Variants in ACSS3 observed in about 807,000 individuals in gnomAD.
ACSS3 encodes the protein acyl-CoA synthetase short chain family member 3.
ACSS3 carries 64 observed loss-of-function variants against 84.2 expected under a neutral mutation model. That is an observed-to-expected ratio of 0.76 (90% CI 0.62 to 0.94). The LOEUF (loss-of-function observed/expected upper bound fraction) is 0.94. Among genes scored for constraint, ACSS3 ranks in the 40% least tolerant of loss-of-function variants. The probability of loss-of-function intolerance (pLI) is 0.00; values close to 1 mark genes in which losing one functional copy is unlikely to be tolerated. For missense variants in ACSS3, 815 were observed against 867.6 expected (o/e 0.94, Z 0.76); for synonymous variants, 317 against 310.1 (o/e 1.02, Z -0.23).
At chr12:81,179,829 CATTGTATA>C (rs1006618317) in intron 8 of ACSS3, among the ~76,000 whole-genome samples, 2 of 150,238 alleles carry the variant, frequency 1.3e-5, no homozygotes, top group Admixed American at 6.6e-5. Flanking sequence ...TCCATTCTCA[CATTGTATA>C]AAGAAATACC....
At chr12:81,124,115 A>T (rs565061064) in intron 2 of ACSS3, among the ~76,000 whole-genome samples, 2 of 152,266 alleles carry the variant, frequency 1.3e-5, no homozygotes, top group East Asian at 3.9e-4. Flanking sequence ...AACTGTGTGT[A>T]TGTGTTCCCT....
At chr12:81,108,666 A>C (rs1883297507) in intron 1 of ACSS3, among the ~76,000 whole-genome samples, 1 of 152,146 alleles carries the variant, frequency 6.6e-6, no homozygotes, top group African/African-American at 2.4e-5. Context: ...TTGAGTGAAT[A>C]CCTGAAAGTG....
chr12:81,109,130 T>A (rs1883344936), intron 1 of ACSS3, among the ~76,000 whole-genome samples: 1 of 152,180 alleles, frequency 6.6e-6, no homozygotes, highest in Non-Finnish European at 1.5e-5. Context: ...ATAGAATTTT[T>A]CGGTAAGTTT....
At position 81,174,903 on chromosome 12, in the gene ACSS3, C is replaced by T. The variant is rs1169202484; in HGVS notation, c.1214C>T (p.Pro405Leu). 1 of 1,613,800 alleles carries T rather than the reference C, an allele frequency of 6.2e-7. No homozygotes were observed. The highest frequency in any genetic ancestry group is 8.5e-7 in the Non-Finnish European group (1 of 1,179,908). The change falls in exon 8 of 16, where the codon CCT (proline) becomes CTT (leucine). Residue 405 changes from proline to leucine, a missense_variant. Transcript: ENST00000548058. ...ATTAGAGCAATCCGTCAACAGGACC[C>T]TGGGGCAGCTTTGGGGAAGCAGTAC... ...TAIRAIRQQDPGAALGKQYSL... is the reference protein window; with the variant it reads ...TAIRAIRQQDLGAALGKQYSL...
At position 81,216,923 on chromosome 12, in the gene ACSS3, G is replaced by C; in HGVS notation, c.1377G>C (p.Ala459=). 6.2e-7 allele frequency: 1 copy of C among 1,610,638 alleles called. No individual in the cohort carries two copies. The highest frequency in any genetic ancestry group is 8.5e-7 in the Non-Finnish European group (1 of 1,177,510). The change falls in exon 10 of 16, where the codon GCG becomes GCC. Residue 459 remains alanine (A), a synonymous_variant. Coordinates refer to ENST00000548058, the MANE Select transcript of ACSS3 (RefSeq NM_024560.4). ...CAGAGACTGGATCTCCAATTACTGC[G>C]TCATGTGTTGGATTAGGCAATTCTA... is the stretch of plus-strand genomic sequence containing the variant. ...WQTETGSPIT[A]SCVGLGNSKT...
At chr12:81,158,370 A>G (rs1886985232) in intron 7 of ACSS3, 1 of 153,700 alleles carries the variant, frequency 6.5e-6, no homozygotes. Flanking sequence ...GGCCTTGTCT[A>G]CACTCAACAG....
chr12:81,149,310 G>A (rs965823561), intron 5 of ACSS3, among the ~76,000 whole-genome samples: 6 of 152,072 alleles, frequency 3.9e-5, no homozygotes, highest in African/African-American at 1.4e-4. Flanking sequence ...AGGCTGAATG[G>A]TGTTTCTCTT....
chr12:81,227,436 A>T lies in ACSS3; in HGVS notation c.1515-3621A>T, dbSNP rs552537846. Among the ~76,000 whole-genome samples, 10 of 150,356 alleles carry T rather than the reference A, an allele frequency of 6.7e-5. No individual in the cohort carries two copies. The South Asian group carries it at 2.1e-3, about 31-fold the overall frequency. ...ACACACACACACAAGTGTTGATTAG[A>T]CTGAGCAGACCATTTATACTTGTGC... On this transcript the variant is annotated intron_variant, in intron 11 of 15. Coordinates refer to ENST00000548058, the MANE Select transcript of ACSS3 (RefSeq NM_024560.4).
intron 4 of ACSS3, among the ~76,000 whole-genome samples, chr12:81,142,791 A>G (rs1194168949): frequency 6.6e-6 from 1 of 152,244 alleles, no homozygotes. Context: ...CTATAAAAAC[A>G]TGAAACGTTA....
intron 9 of ACSS3, among the ~76,000 whole-genome samples, chr12:81,209,659 G>A (rs2032506146): frequency 6.6e-6 from 1 of 152,132 alleles, no homozygotes; most frequent in Non-Finnish European, 1.5e-5. Flanking sequence ...AGTTTATTAG[G>A]AAAGTAAAGG....
In ACSS3 at chr12:81,207,674, G is replaced by A. The variant is rs113625660; in HGVS notation, c.1354+8230G>A. 6.6e-5 allele frequency among the ~76,000 whole-genome samples: 10 copies of A among 152,242 alleles called. 1 individual carries two copies. Among genetic ancestry groups the A allele is most frequent in the African/African-American group, 2.4e-4 (10 of 41,570 alleles). On this transcript the variant is annotated intron_variant, in intron 9 of 15. Transcript: ENST00000548058. ...ATTCAAAAAAACTTGGACTGTAAAAGCGGAACTTACGTTTGAGAAAATGTA... is the reference window on the plus strand; with the variant it reads ...ATTCAAAAAAACTTGGACTGTAAAAACGGAACTTACGTTTGAGAAAATGTA...
intron 7 of ACSS3, among the ~76,000 whole-genome samples, chr12:81,161,283 A>G (rs1319664753): frequency 6.6e-6 from 1 of 152,204 alleles, no homozygotes; most frequent in Non-Finnish European, 1.5e-5. Flanking sequence ...TGATTCAGCT[A>G]CTACGAATTT....
chr12:81,106,460 A>G (rs1883007171), intron 1 of ACSS3, among the ~76,000 whole-genome samples: 1 of 152,158 alleles, frequency 6.6e-6, no homozygotes, highest in Non-Finnish European at 1.5e-5. Context: ...TATATGTTAT[A>G]ATGTAATAAT....
Position 81,238,984 on chromosome 12 carries a change from G to A in ACSS3, c.1719+5513G>A, listed in dbSNP as rs151112192. 1.2e-3 allele frequency among the ~76,000 whole-genome samples: 177 copies of A among 151,800 alleles called. 2 individuals carry two copies. The highest frequency in any genetic ancestry group is 4.2e-3 in the African/African-American group (173 of 41,470). On this transcript the variant is annotated intron_variant, in intron 13 of 15. Transcript: ENST00000548058. ...TTAGATCTCTCTTCTTTTCTAATAT[G>A]TGAATTCAGTGCTATAAATTTTCCT...
chr12:81,221,124 G>A (rs968327999), intron 11 of ACSS3, among the ~76,000 whole-genome samples: 7 of 151,884 alleles, frequency 4.6e-5, no homozygotes, highest in Non-Finnish European at 4.4e-5. Flanking sequence ...ACATCAAGAC[G>A]TGTACTTTAA....
At chr12:81,154,410 G>A (rs1191089493) in intron 7 of ACSS3, among the ~76,000 whole-genome samples, 4 of 151,130 alleles carry the variant, frequency 2.6e-5, no homozygotes, top group East Asian at 2.0e-4. Flanking sequence ...GAGTGTAGAT[G>A]CTCTATAAAT....
chr12:81,116,232 A>G (rs572228134), intron 2 of ACSS3, among the ~76,000 whole-genome samples: 38 of 152,244 alleles, frequency 2.5e-4, no homozygotes. Flanking sequence ...TTTACAACTT[A>G]CTAAAATTTA....
At chr12:81,208,924 T>A (rs2032468648) in intron 9 of ACSS3, among the ~76,000 whole-genome samples, 1 of 152,170 alleles carries the variant, frequency 6.6e-6, no homozygotes, top group Non-Finnish European at 1.5e-5. Context: ...AAGAAATACC[T>A]TTTAGTGAAT....
At chr12:81,238,237 A>C (rs2033687972) in intron 13 of ACSS3, among the ~76,000 whole-genome samples, 1 of 151,532 alleles carries the variant, frequency 6.6e-6, no homozygotes, top group Non-Finnish European at 1.5e-5. Flanking sequence ...AACTCTTTCC[A>C]CACATTGGCA....
Sources: gnomAD v4.1 joint callset for allele counts (sites outside exome capture counted in the v4.1 genomes callset) on GRCh38, gnomAD v4.1.1 for gene constraint, MANE v1.5 for transcripts, NCBI Gene and HGNC (gene_info 2026-07-23, HGNC 2026-07-21) for gene names.